SPOCK1: variants seen among roughly 807,000 people sequenced by gnomAD.
SPOCK1 encodes testican-1.
A neutral mutation model predicts 55.3 loss-of-function variants in SPOCK1; 23 were observed. The ratio of observed to expected loss-of-function variants is 0.42; its 90% CI spans 0.30 to 0.59. The LOEUF (loss-of-function observed/expected upper bound fraction) is 0.59, where lower values mean the gene tolerates loss of function less well. SPOCK1 is among the 20% of genes least tolerant of loss of function. The pLI is 0.22. For missense variants in SPOCK1, 499 were observed against 552.5 expected (o/e 0.90, Z 0.97); for synonymous variants, 226 against 221.0 (o/e 1.02, Z -0.20).
chr5:137,342,921 A>T (rs1750468627), intron 2 of SPOCK1, among the ~76,000 whole-genome samples: 1 of 152,224 alleles, frequency 6.6e-6, no homozygotes, highest in South Asian at 2.1e-4. Context: ...TTCCCAGTGA[A>T]ATCTGATCTC....
chr5:137,232,352 G>A (rs904652577), intron 3 of SPOCK1, among the ~76,000 whole-genome samples: 1 of 152,178 alleles, frequency 6.6e-6, no homozygotes, highest in Non-Finnish European at 1.5e-5. Context: ...TGCATTTTGA[G>A]TGAATTTCTG....
intron 3 of SPOCK1, among the ~76,000 whole-genome samples, chr5:137,155,743 AT>A (rs1349639684): frequency 2.0e-5 from 3 of 152,212 alleles, no homozygotes; most frequent in Non-Finnish European, 2.9e-5. Flanking sequence ...CGTTTTTTAA[AT>A]GGGCAACAAA....
At chr5:137,418,674 T>C (rs146918594) in intron 2 of SPOCK1, among the ~76,000 whole-genome samples, 12,195 of 152,232 alleles carry the variant, frequency 0.08, 1,243 homozygotes, top group African/African-American at 0.24. Context: ...TAAATTTGTT[T>C]GAGTTCTTTG....
chr5:137,409,967 G>A (rs1332149567), intron 2 of SPOCK1, among the ~76,000 whole-genome samples: 3 of 152,190 alleles, frequency 2.0e-5, no homozygotes, highest in African/African-American at 2.4e-5. Flanking sequence ...TGTGGTGGTG[G>A]GAAGGAATGC....
At chr5:137,280,902 A>G (rs1757155440) in intron 2 of SPOCK1, among the ~76,000 whole-genome samples, 1 of 152,206 alleles carries the variant, frequency 6.6e-6, no homozygotes, top group East Asian at 1.9e-4. Context: ...AAGGAAGGAC[A>G]GACACCTCCA....
intron 2 of SPOCK1, among the ~76,000 whole-genome samples, chr5:137,428,638 CCT>C (rs574674862): frequency 2.6e-5 from 4 of 152,148 alleles, no homozygotes; most frequent in Non-Finnish European, 5.9e-5. Context: ...CTAGTTCATC[CCT>C]GTTAGGCATT....
intron 6 of SPOCK1, among the ~76,000 whole-genome samples, chr5:137,008,877 T>G (rs1751299960): frequency 6.6e-6 from 1 of 152,038 alleles, no homozygotes; most frequent in African/African-American, 2.4e-5. Context: ...GAGGCTAAAC[T>G]GGGGGAGAAG....
intron 6 of SPOCK1, among the ~76,000 whole-genome samples, chr5:137,014,837 G>A (rs1026892453): frequency 1.1e-4 from 17 of 152,074 alleles, no homozygotes; most frequent in African/African-American, 2.2e-4. Context: ...TGTGAAAACC[G>A]CCAAGGACTC....
chr5:137,113,903 G>A (rs888325378), intron 4 of SPOCK1, among the ~76,000 whole-genome samples: 3 of 152,190 alleles, frequency 2.0e-5, no homozygotes, highest in South Asian at 2.1e-4. Flanking sequence ...AGGAATTCAG[G>A]TTTGGTATCT....
intron 5 of SPOCK1, among the ~76,000 whole-genome samples, chr5:137,103,547 G>A (rs536806287): frequency 7.9e-5 from 12 of 152,354 alleles, no homozygotes; most frequent in Non-Finnish European, 1.8e-4. Context: ...AATGACAGCA[G>A]ACTAAAAGGA....
At chr5:137,200,070 T>C (rs1167559021) in intron 3 of SPOCK1, among the ~76,000 whole-genome samples, 2 of 152,204 alleles carry the variant, frequency 1.3e-5, no homozygotes, top group African/African-American at 2.4e-5. Context: ...TCCCTGCTTC[T>C]TCCATTTAGT....
At chr5:137,160,570 A>AC (rs1754517863) in intron 3 of SPOCK1, among the ~76,000 whole-genome samples, 1 of 73,196 alleles carries the variant, frequency 1.4e-5, no homozygotes, top group African/African-American at 6.0e-5. Context: ...TATATTATAT[A>AC]TTATATAATA....
chr5:137,176,081 ACT>A (rs1411918175), intron 3 of SPOCK1, among the ~76,000 whole-genome samples: 3 of 152,184 alleles, frequency 2.0e-5, no homozygotes, highest in African/African-American at 7.2e-5. Context: ...ATAAACTTTT[ACT>A]TTATCTTCCT....
chr5:137,437,729 A>G (rs1428615443), intron 2 of SPOCK1, among the ~76,000 whole-genome samples: 1 of 152,264 alleles, frequency 6.6e-6, no homozygotes, highest in East Asian at 1.9e-4. Flanking sequence ...TGTCATTTAC[A>G]TATGCTAGAA....
chr5:137,309,182 T>C (rs1757749103), intron 2 of SPOCK1, among the ~76,000 whole-genome samples: 1 of 152,208 alleles, frequency 6.6e-6, no homozygotes, highest in African/African-American at 2.4e-5. Flanking sequence ...GCATACATCA[T>C]TGCCATCTTT....
intron 2 of SPOCK1, among the ~76,000 whole-genome samples, chr5:137,453,080 C>T (rs182392633): frequency 2.8e-4 from 42 of 152,250 alleles, no homozygotes; most frequent in Middle Eastern, 3.4e-3. Flanking sequence ...CTCATTCAAA[C>T]CAAAGGCAAA....
intron 2 of SPOCK1, among the ~76,000 whole-genome samples, chr5:137,415,201 G>A (rs1752304447): frequency 1.3e-5 from 2 of 152,214 alleles, no homozygotes; most frequent in South Asian, 4.1e-4. Context: ...AGGGAGGAAG[G>A]TGAGATAAAT....
intron 2 of SPOCK1, among the ~76,000 whole-genome samples, chr5:137,445,167 C>A (rs1753097711): frequency 6.6e-6 from 1 of 152,180 alleles, no homozygotes; most frequent in African/African-American, 2.4e-5. Context: ...CCTCCCCTCC[C>A]CCTTCTCTAT....
At chr5:137,312,464 A>G (rs1004661840) in intron 2 of SPOCK1, among the ~76,000 whole-genome samples, 6 of 152,210 alleles carry the variant, frequency 3.9e-5, no homozygotes, top group African/African-American at 1.4e-4. Flanking sequence ...ATAAACAGTC[A>G]AAACCCTTTG....
Sources: allele counts gnomAD v4.1 joint callset (sites outside exome capture counted in the v4.1 genomes callset), GRCh38; gene constraint gnomAD v4.1.1; transcripts MANE v1.5; gene names NCBI Gene and HGNC (gene_info 2026-07-23, HGNC 2026-07-21).